The following ZNF41 variants were observed in gnomAD, a reference collection of about 807,000 sequenced individuals.
ZNF41 encodes the protein zinc finger protein 41.
In ZNF41, 6 loss-of-function variants were observed where a neutral mutation model predicts 9.3. That is an observed-to-expected ratio of 0.65 (90% CI 0.35 to 1.28). The LOEUF (loss-of-function observed/expected upper bound fraction) is 1.28, where lower values mean the gene tolerates loss of function less well. ZNF41 is among the 50% of genes most tolerant of loss of function. ZNF41 has a pLI of 0.03. For missense variants in ZNF41, 523 were observed against 585.8 expected (o/e 0.89, Z 1.11); for synonymous variants, 192 against 207.1 (o/e 0.93, Z 0.63).
intron 1 of ZNF41, among the ~76,000 whole-genome samples, chrX:47,472,965 T>C (rs1486337924): frequency 9.1e-6 from 1 of 109,897 alleles, no homozygotes; most frequent in Non-Finnish European, 1.9e-5. Context: ...TCGTGATCCG[T>C]CTGCCTCGGC....
At chrX:47,462,360 G>C (rs5952434) in intron 2 of ZNF41, among the ~76,000 whole-genome samples, 1 of 110,206 alleles carries the variant, frequency 9.1e-6, no homozygotes, top group Non-Finnish European at 1.9e-5. Context: ...TTTGCTGGTC[G>C]TTGTTCCCTC....
At position 47,467,529 on chromosome X, in the gene ZNF41, T is replaced by G; in HGVS notation, c.-48A>C. On this transcript the variant is annotated 5_prime_UTR_variant, in exon 2 of 5. Transcript: ENST00000684689. ...CAGGCTCTCCTGCTGACAACCCCAC[T>G]CTTCCCCAAGCTGGAAGCTGAGCTG... The G allele has an allele frequency of 8.6e-7, 1 of 1,162,651 alleles. No individual in the cohort carries two copies. Among genetic ancestry groups the G allele is most frequent in the Non-Finnish European group, 1.2e-6 (1 of 868,507 alleles).
intron 1 of ZNF41, among the ~76,000 whole-genome samples, chrX:47,475,135 T>C (rs2057301779): frequency 9.8e-6 from 1 of 102,231 alleles, no homozygotes; most frequent in South Asian, 4.4e-4. Context: ...AGAACCCTGA[T>C]CAAGGTAAAA....
chrX:47,456,200 G>A (rs2056556174), intron 3 of ZNF41, 72 bp downstream of exon 3: 8 of 1,164,845 alleles, frequency 6.9e-6, no homozygotes, highest in South Asian at 1.8e-5. Flanking sequence ...CATAGGTTAG[G>A]TGTCGGGCAG....
At chrX:47,473,994 A>T (rs1157857155) in intron 1 of ZNF41, among the ~76,000 whole-genome samples, 1 of 112,406 alleles carries the variant, frequency 8.9e-6, no homozygotes, top group Admixed American at 9.5e-5. Flanking sequence ...TTGATATGTA[A>T]TAGCCTCAGA....
chrX:47,469,310 C>CA (rs749426044), intron 1 of ZNF41, among the ~76,000 whole-genome samples: 3,907 of 35,817 alleles, frequency 0.11, 942 homozygotes, highest in Non-Finnish European at 0.15. Context: ...GACTCCGTCT[C>CA]AAAAAAAAAA....
At chrX:47,453,546 G>A (rs192884680) in intron 4 of ZNF41, among the ~76,000 whole-genome samples, 104 of 111,879 alleles carry the variant, frequency 9.3e-4, no homozygotes, top group South Asian at 5.9e-3. Context: ...ATACAGATAC[G>A]AGTTGAACTG....
At chrX:47,479,456 G>A (rs1250551381) in intron 1 of ZNF41, among the ~76,000 whole-genome samples, 3 of 112,023 alleles carry the variant, frequency 2.7e-5, no homozygotes, top group African/African-American at 9.7e-5. Context: ...TCTAACTAGT[G>A]CAACAGAAGA....
intron 4 of ZNF41, among the ~76,000 whole-genome samples, chrX:47,453,266 A>C (rs887365227): frequency 1.8e-5 from 2 of 111,700 alleles, no homozygotes; most frequent in Non-Finnish European, 3.8e-5. Flanking sequence ...TTCTAAAAAC[A>C]TAGAGGTAAA....
intron 2 of ZNF41, among the ~76,000 whole-genome samples, chrX:47,460,930 G>A (rs775700882): frequency 9.0e-6 from 1 of 111,234 alleles, no homozygotes; most frequent in South Asian, 3.8e-4. Flanking sequence ...ATGTGCACAT[G>A]TACAACAGGA....
intron 4 of ZNF41, among the ~76,000 whole-genome samples, chrX:47,453,801 G>C (rs2056449812): frequency 8.9e-6 from 1 of 112,064 alleles, no homozygotes; most frequent in Non-Finnish European, 1.9e-5. Flanking sequence ...GCCGGGCGCG[G>C]TGGGTCACAC....
Position 47,448,092 on chromosome X carries a change from A to G in ZNF41, c.1678T>C (p.Phe560Leu). The change falls in exon 5 of 5, where the codon TTC becomes CTC. Residue 560 changes from phenylalanine (F) to leucine (L), a missense_variant. Physicochemically the swap from Phe to Leu is conservative, Grantham distance 22. Coordinates refer to ENST00000684689, the MANE Select transcript of ZNF41 (RefSeq NM_001324144.2). ...PYKCNGCGKA[F>L]IWKSRLKIHQ... ...ATTTTGAGGCGCGACTTCCATATGA[A>G]GGCTTTTCCACAGCCATTGCACTTA... 1 of 1,211,328 alleles carries G rather than the reference A, an allele frequency of 8.3e-7. No individual in the cohort carries two copies.
chrX:47,479,650 AT>A (rs1294351353), intron 1 of ZNF41, among the ~76,000 whole-genome samples: 2 of 111,309 alleles, frequency 1.8e-5, no homozygotes, highest in East Asian at 2.8e-4. Flanking sequence ...TAGAAAAAAA[AT>A]ATGCTATTCA....
chrX:47,447,110 C>T lies in ZNF41; in HGVS notation c.*320G>A, dbSNP rs372574676. ...AAGTGAAGCATAAGAGATGACGAGT[C>T]ATCTCCTCAGGTCTTAATTCTACTA... On this transcript the variant is annotated 3_prime_UTR_variant, in exon 5 of 5. Coordinates refer to ENST00000684689, the MANE Select transcript of ZNF41 (RefSeq NM_001324144.2). 1.1e-4 allele frequency: 30 copies of T among 283,903 alleles called. No homozygotes were observed. Among genetic ancestry groups the T allele is most frequent in the East Asian group, 6.3e-4 (9 of 14,243 alleles). The allele number at this position is 283,903 out of a possible 1,213,427, so 23.4% of individuals were successfully genotyped here.
chrX:47,476,555 G>A (rs932300707), intron 1 of ZNF41, among the ~76,000 whole-genome samples: 17 of 111,421 alleles, frequency 1.5e-4, no homozygotes, highest in Non-Finnish European at 2.8e-4. Flanking sequence ...TGGGCAATAA[G>A]TACAGGAAAA....
intron 1 of ZNF41, among the ~76,000 whole-genome samples, chrX:47,477,969 G>C (rs1258788061): frequency 1.8e-5 from 2 of 112,607 alleles, no homozygotes; most frequent in African/African-American, 3.2e-5. Context: ...CTGATGAATG[G>C]ATAAACAAAA....
In ZNF41 at chrX:47,472,093, T is replaced by A. The variant is rs775803651; in HGVS notation, c.-279-4333A>T. On this transcript the variant is annotated intron_variant, in intron 1 of 4. Coordinates refer to ENST00000684689, the MANE Select transcript of ZNF41 (RefSeq NM_001324144.2). ...CTTTGAAAAACTGTTTGGTAGTATCTATTAATGGTGAATACATGCAACATC... is the reference window on the plus strand; with the variant it reads ...CTTTGAAAAACTGTTTGGTAGTATCAATTAATGGTGAATACATGCAACATC... Among the ~76,000 whole-genome samples, 636 of 111,886 alleles carry A rather than the reference T, an allele frequency of 5.7e-3. 4 individuals carry two copies. Among genetic ancestry groups the A allele is most frequent in the African/African-American group, 0.019 (593 of 30,923 alleles).
intron 2 of ZNF41, among the ~76,000 whole-genome samples, chrX:47,457,730 G>A (rs986134405): frequency 8.0e-5 from 9 of 111,960 alleles, no homozygotes; most frequent in Non-Finnish European, 1.3e-4. Context: ...CCAGCTACTC[G>A]GGAAGCTGAG....
In ZNF41 at chrX:47,449,070, C is replaced by T; in HGVS notation, c.700G>A (p.Glu234Lys). The change falls in exon 5 of 5, where the codon GAG becomes AAG. Residue 234 changes from glutamate to lysine, a missense_variant. Transcript: ENST00000684689. ...FPHSPSSTKN[E>K]NAKTGANSCE... The stretch of plus-strand genomic sequence containing the variant: ...GAATTTGCTCCTGTTTTAGCATTCT[C>T]ATTCTTAGTAGAGGAAGGGCTATGG... 1 of 1,211,499 alleles carries T rather than the reference C, an allele frequency of 8.3e-7. No individual in the cohort carries two copies. The highest frequency in any genetic ancestry group is 1.1e-6 in the Non-Finnish European group (1 of 895,464).
Sources: allele counts gnomAD v4.1 joint callset (sites outside exome capture counted in the v4.1 genomes callset), GRCh38; gene constraint gnomAD v4.1.1; transcripts MANE v1.5; gene names NCBI Gene and HGNC (gene_info 2026-07-23, HGNC 2026-07-21).